Variants in CRACR2A observed in about 807,000 individuals in gnomAD.
CRACR2A encodes the protein calcium release activated channel regulator 2A, also known as EF-hand calcium-binding domain-containing protein 4B.
CRACR2A carries 79 observed loss-of-function variants against 90.5 expected under a neutral mutation model. The observed-to-expected ratio is 0.87, with a 90% CI of 0.73 to 1.05. The LOEUF (loss-of-function observed/expected upper bound fraction) is 1.05, where lower values mean the gene tolerates loss of function less well. Among genes scored for constraint, CRACR2A ranks in the 50% least tolerant of loss-of-function variants. The pLI, the probability that CRACR2A is intolerant of heterozygous loss-of-function variation, is 0.00. For synonymous variants in CRACR2A, 338 were observed against 356.7 expected, an observed-to-expected ratio of 0.95 and a Z score of 0.59; for missense variants, 823 against 897.2, an observed-to-expected ratio of 0.92 and a Z score of 1.06.
chr12:3,633,221 C>T lies in CRACR2A; in HGVS notation c.1735+383G>A, dbSNP rs1413699808. 1.3e-5 allele frequency among the ~76,000 whole-genome samples: 2 copies of T among 151,626 alleles called. No individual in the cohort carries two copies. Among genetic ancestry groups the T allele is most frequent in the Non-Finnish European group, 2.9e-5 (2 of 67,926 alleles). On this transcript the variant is annotated intron_variant, in intron 15 of 19. Transcript: ENST00000440314. This position sits in a 1 kb window ranked among gnomAD's most constrained non-coding sequence, Gnocchi z 4.5. Reference sequence around the variant, plus strand: ...TGTGGGTCTCGGGAGGAGTCCTGGTCAGTTCAGGGGGAGCAGGAAGACCCA... The same window carrying T: ...TGTGGGTCTCGGGAGGAGTCCTGGTTAGTTCAGGGGGAGCAGGAAGACCCA...
chr12:3,645,338 C>T (rs891991378), intron 11 of CRACR2A, among the ~76,000 whole-genome samples: 5 of 152,276 alleles, frequency 3.3e-5, no homozygotes, highest in Middle Eastern at 3.4e-3. Flanking sequence ...CTGGGATACA[C>T]CTAGTGTGAG....
At chr12:3,615,868 A>G (rs2137257940) in intron 19 of CRACR2A, among the ~76,000 whole-genome samples, 1 of 152,312 alleles carries the variant, frequency 6.6e-6, no homozygotes, top group African/African-American at 2.4e-5. Context: ...AGTAACCAGC[A>G]CACAGGTGAG....
intron 3 of CRACR2A, among the ~76,000 whole-genome samples, chr12:3,704,623 G>A (rs1341202452): frequency 6.6e-6 from 1 of 152,128 alleles, no homozygotes; most frequent in African/African-American, 2.4e-5. Flanking sequence ...AGAAGAATGG[G>A]TCTGGGTCAG....
intron 2 of CRACR2A, among the ~76,000 whole-genome samples, chr12:3,714,444 T>C (rs1565499032): frequency 6.6e-6 from 1 of 152,132 alleles, no homozygotes; most frequent in South Asian, 2.1e-4. Context: ...AGCAAACAAA[T>C]GGGGAGACTT....
chr12:3,681,073 T>TTTA (rs146966647), intron 4 of CRACR2A, among the ~76,000 whole-genome samples: 15,211 of 152,212 alleles, frequency 0.1, 862 homozygotes, highest in African/African-American at 0.13. Flanking sequence ...GTCACTTACT[T>TTTA]GAGGCCTCTC....
At chr12:3,626,680 C>CA (rs1420999841) in intron 17 of CRACR2A, among the ~76,000 whole-genome samples, 1 of 152,212 alleles carries the variant, frequency 6.6e-6, no homozygotes, top group Non-Finnish European at 1.5e-5. Flanking sequence ...GTGAAGGAAT[C>CA]AGCCGAGGCC....
At chr12:3,634,662 T>G (rs1327612863) in intron 14 of CRACR2A, among the ~76,000 whole-genome samples, 1 of 152,234 alleles carries the variant, frequency 6.6e-6, no homozygotes, top group African/African-American at 2.4e-5. Flanking sequence ...ATGGGGAGGC[T>G]CTTTTGAATC....
chr12:3,704,027 A>G (rs947006721), intron 3 of CRACR2A, among the ~76,000 whole-genome samples: 2 of 152,242 alleles, frequency 1.3e-5, no homozygotes, highest in Admixed American at 6.5e-5. Context: ...GTTTCTTAGA[A>G]AGTCAAACAA....
intron 8 of CRACR2A, among the ~76,000 whole-genome samples, chr12:3,659,305 G>A (rs1944979297): frequency 6.6e-6 from 1 of 152,176 alleles, no homozygotes; most frequent in South Asian, 2.1e-4. Flanking sequence ...ATGTGCTGAG[G>A]ATACCTTAGT....
At chr12:3,662,961 G>A (rs899898867) in intron 7 of CRACR2A, among the ~76,000 whole-genome samples, 1 of 152,126 alleles carries the variant, frequency 6.6e-6, no homozygotes, top group African/African-American at 2.4e-5. Context: ...GCATATAAAT[G>A]GACTTTGAAG....
intron 4 of CRACR2A, among the ~76,000 whole-genome samples, chr12:3,695,120 TG>T (rs1217477779): frequency 2.6e-5 from 4 of 152,224 alleles, no homozygotes; most frequent in African/African-American, 9.6e-5. Flanking sequence ...GCAAGAGTGC[TG>T]AGTTGCACAG....
At chr12:3,650,810 G>A (rs1424187179) in intron 10 of CRACR2A, among the ~76,000 whole-genome samples, 1 of 152,204 alleles carries the variant, frequency 6.6e-6, no homozygotes, top group East Asian at 1.9e-4. Context: ...CAGCACCAGT[G>A]ACCACTGGAG....
chr12:3,706,470 A>G, intron 3 of CRACR2A, among the ~76,000 whole-genome samples: 1 of 152,196 alleles, frequency 6.6e-6, no homozygotes, highest in East Asian at 1.9e-4. Context: ...GCTGTGGTGG[A>G]TAAGAACATA....
chr12:3,633,851 C>T lies in CRACR2A; in HGVS notation c.1603-115G>A. The stretch of plus-strand genomic sequence containing the variant: ...GTGGCCCTCAGGAGGTGCAGACCGG[C>T]CTCTAGACCTGCACCAGGAGGCTGC... On this transcript the variant is annotated intron_variant, in intron 14 of 19. Coordinates refer to ENST00000440314, the MANE Select transcript of CRACR2A (RefSeq NM_001144958.2). The surrounding 1 kb of genome is among the most constrained non-coding windows in gnomAD (Gnocchi z 4.5). The T allele has an allele frequency of 7.2e-7, 1 of 1,381,230 alleles. No individual in the cohort carries two copies. The highest frequency in any genetic ancestry group is 9.8e-7 in the Non-Finnish European group (1 of 1,021,158). 85.6% of individuals were successfully genotyped at this position (1,381,230 alleles called of 1,614,324 possible). A position where few individuals can be genotyped will look rare whatever the true frequency, so the allele number is the denominator to read the frequency against.
intron 7 of CRACR2A, among the ~76,000 whole-genome samples, chr12:3,662,953 A>G (rs1945064902): frequency 6.6e-6 from 1 of 152,358 alleles, no homozygotes; most frequent in Non-Finnish European, 1.5e-5. Context: ...TGCCTAATGC[A>G]TATAAATGGA....
At chr12:3,630,875 G>A (rs7305268) in intron 15 of CRACR2A, among the ~76,000 whole-genome samples, 3,944 of 152,318 alleles carry the variant, frequency 0.026, 164 homozygotes, top group African/African-American at 0.089. Context: ...TACAAAACAT[G>A]CTCTTATGAG....
intron 4 of CRACR2A, among the ~76,000 whole-genome samples, chr12:3,684,903 G>A (rs1471269869): frequency 6.6e-6 from 1 of 152,254 alleles, no homozygotes; most frequent in Non-Finnish European, 1.5e-5. Context: ...AGGCAAGGGA[G>A]AGCGGGCCAC....
chr12:3,733,671 C>A (rs1463074538), intron 1 of CRACR2A, among the ~76,000 whole-genome samples: 1 of 152,144 alleles, frequency 6.6e-6, no homozygotes, highest in East Asian at 1.9e-4. Context: ...CTGGATCAGA[C>A]AACACCAATG....
intron 7 of CRACR2A, among the ~76,000 whole-genome samples, chr12:3,663,103 G>A (rs776822866): frequency 6.6e-6 from 1 of 151,718 alleles, no homozygotes; most frequent in African/African-American, 2.4e-5. Flanking sequence ...GTTTCATTTG[G>A]GTTCATGTTG....
Sources: gnomAD v4.1 joint callset for allele counts (sites outside exome capture counted in the v4.1 genomes callset) on GRCh38, gnomAD v4.1.1 for gene constraint, Gnocchi (gnomAD v3.1) non-coding constraint, MANE v1.5 for transcripts, NCBI Gene and HGNC (gene_info 2026-07-23, HGNC 2026-07-21) for gene names.